The following ARHGAP18 variants were observed in gnomAD, a reference collection of about 807,000 sequenced individuals.
ARHGAP18 encodes rho GTPase-activating protein 18.
Under a neutral mutation model 86.2 loss-of-function variants are expected in ARHGAP18, and 67 were observed. That is an observed-to-expected ratio of 0.78 (90% CI 0.64 to 0.95). ARHGAP18 has a LOEUF of 0.95. Among genes scored for constraint, ARHGAP18 ranks in the 40% least tolerant of loss-of-function variants. The probability of loss-of-function intolerance (pLI) is 0.00; values close to 1 mark genes in which losing one functional copy is unlikely to be tolerated. For synonymous variants in ARHGAP18, 283 were observed against 280.4 expected (o/e 1.01, Z -0.09); for missense variants, 691 against 780.4 (o/e 0.89, Z 1.37).
chr6:129,673,169 CT>C (rs1343846030), intron 1 of ARHGAP18, among the ~76,000 whole-genome samples: 1 of 152,168 alleles, frequency 6.6e-6, no homozygotes, highest in Non-Finnish European at 1.5e-5. Context: ...GTCTATTATG[CT>C]TCACAATGTC....
intron 12 of ARHGAP18, among the ~76,000 whole-genome samples, chr6:129,594,968 T>C (rs1238992236): frequency 2.0e-5 from 3 of 152,190 alleles, no homozygotes; most frequent in Non-Finnish European, 2.9e-5. Flanking sequence ...AAACAGAGAA[T>C]AATGGTGAAG....
chr6:129,589,464 TG>T (rs772318223), intron 12 of ARHGAP18, among the ~76,000 whole-genome samples: 2 of 152,218 alleles, frequency 1.3e-5, no homozygotes, highest in Non-Finnish European at 2.9e-5. Flanking sequence ...TGGACTTTTT[TG>T]TCCACAACAC....
chr6:129,656,386 G>A (rs564541987), intron 1 of ARHGAP18, among the ~76,000 whole-genome samples: 41 of 152,320 alleles, frequency 2.7e-4, no homozygotes, highest in African/African-American at 8.4e-4. Flanking sequence ...GCTCATGCCT[G>A]TAATCCCAGC....
chr6:129,640,546 G>A (rs1262260450), intron 2 of ARHGAP18, among the ~76,000 whole-genome samples: 2 of 152,068 alleles, frequency 1.3e-5, no homozygotes, highest in African/African-American at 4.8e-5. Flanking sequence ...ATAACAAGAA[G>A]TTAAAGAATA....
At position 129,641,998 on chromosome 6, in the gene ARHGAP18, G is replaced by A; in HGVS notation, c.134C>T (p.Thr45Ile). 6.2e-7 allele frequency: 1 copy of A among 1,613,968 alleles called. No individual in the cohort carries two copies. Residue 45 changes from threonine to isoleucine, a missense_variant, in exon 2 of 15, where the codon ACT becomes ATT. Transcript: ENST00000368149. ...ATSSRRYGQY[T>I]MNQESTTIKV... Reference sequence around the variant, plus strand: ...GATGGTGGTGCTTTCCTGGTTCATAGTGTACTGGCCATATCTGCGACTGTA... The same window carrying A: ...GATGGTGGTGCTTTCCTGGTTCATAATGTACTGGCCATATCTGCGACTGTA...
chr6:129,628,623 G>T (rs940509592), intron 5 of ARHGAP18, among the ~76,000 whole-genome samples: 1 of 152,084 alleles, frequency 6.6e-6, no homozygotes, highest in African/African-American at 2.4e-5. Flanking sequence ...TGATGCAATC[G>T]AAGGCATAAA....
intron 2 of ARHGAP18, among the ~76,000 whole-genome samples, chr6:129,638,892 G>A (rs1347785913): frequency 6.6e-6 from 1 of 152,136 alleles, no homozygotes; most frequent in African/African-American, 2.4e-5. Context: ...GATTAACCCA[G>A]AGGATGATAC....
intron 1 of ARHGAP18, among the ~76,000 whole-genome samples, chr6:129,665,698 A>G (rs1774024160): frequency 2.0e-5 from 3 of 152,226 alleles, no homozygotes. Context: ...AGAAGAGGTT[A>G]AGATCACAGT....
At chr6:129,595,678 T>C (rs1258569916) in intron 12 of ARHGAP18, among the ~76,000 whole-genome samples, 1 of 152,150 alleles carries the variant, frequency 6.6e-6, no homozygotes, top group African/African-American at 2.4e-5. Flanking sequence ...CAATCTCTCT[T>C]AAGGCTCACT....
chr6:129,638,278 G>C, intron 3 of ARHGAP18, 116 bp downstream of exon 3: 1 of 1,023,984 alleles, frequency 9.8e-7, no homozygotes, highest in Non-Finnish European at 1.5e-6. Context: ...TAGAGCTTTG[G>C]TGCCTGGCAT....
chr6:129,619,071 C>T (rs1050103861), intron 5 of ARHGAP18, among the ~76,000 whole-genome samples: 1 of 150,260 alleles, frequency 6.7e-6, no homozygotes, highest in African/African-American at 2.5e-5. Context: ...TGACAGACAA[C>T]GGGAACAGAC....
At chr6:129,650,665 G>T (rs1194275891) in intron 1 of ARHGAP18, among the ~76,000 whole-genome samples, 1 of 152,194 alleles carries the variant, frequency 6.6e-6, no homozygotes, top group Non-Finnish European at 1.5e-5. Context: ...TTAGTTCAAA[G>T]CATATCCACT....
At chr6:129,592,027 G>C (rs896469551) in intron 12 of ARHGAP18, among the ~76,000 whole-genome samples, 1 of 151,836 alleles carries the variant, frequency 6.6e-6, no homozygotes, top group Non-Finnish European at 1.5e-5. Flanking sequence ...CAGATTCAGA[G>C]GATTTTAAAG....
chr6:129,705,944 G>A (rs1774795293), intron 1 of ARHGAP18, among the ~76,000 whole-genome samples: 2 of 152,158 alleles, frequency 1.3e-5, no homozygotes, highest in Non-Finnish European at 2.9e-5. Context: ...TCACCCCTGT[G>A]TAGTGCCTCT....
intron 2 of ARHGAP18, among the ~76,000 whole-genome samples, chr6:129,640,042 C>CAAAAAAAA (rs374771260): frequency 3.2e-4 from 23 of 72,848 alleles, no homozygotes; most frequent in African/African-American, 8.5e-4. Flanking sequence ...GAGACTGTCT[C>CAAAAAAAA]AAAAAAAAAA....
intron 8 of ARHGAP18, among the ~76,000 whole-genome samples, chr6:129,611,331 G>GAAAAC (rs1788975121): frequency 2.0e-5 from 3 of 152,004 alleles, no homozygotes; most frequent in African/African-American, 4.8e-5. Flanking sequence ...TGGTGATTTT[G>GAAAAC]AAAACAAAAC....
Position 129,659,651 on chromosome 6 carries a change from T to C in ARHGAP18, c.114-17633A>G, listed in dbSNP as rs139438202. On this transcript the variant is annotated intron_variant, in intron 1 of 14. Transcript: ENST00000368149. ...CCCTAGCTAATCTTTTTTGTATTTT[T>C]AGTAGAGATGGGGTTTCGGCATGTC... 1.5e-3 allele frequency among the ~76,000 whole-genome samples: 222 copies of C among 152,228 alleles called. 2 individuals carry two copies. The highest frequency in any genetic ancestry group is 4.7e-3 in the African/African-American group (196 of 41,538).
rs929892508 is a variant in ARHGAP18, at chr6:129,709,934, A to T, written c.113+90T>A. On this transcript the variant is annotated intron_variant, in intron 1 of 14. Coordinates refer to ENST00000368149, the MANE Select transcript of ARHGAP18 (RefSeq NM_033515.3). ...AGCTCAGGCTCGACGTGCAGATGGA[A>T]TTCCCTTCTCCCCACGCCAACTTCC... 8.7e-6 allele frequency: 9 copies of T among 1,032,672 alleles called. No individual in the cohort carries two copies. The African/African-American group carries it at 1.4e-4, about 16-fold the overall frequency. 64.0% of individuals were successfully genotyped at this position (1,032,672 alleles called of 1,614,324 possible). A position where few individuals can be genotyped will look rare whatever the true frequency, so the allele number is the denominator to read the frequency against.
At chr6:129,626,413 T>C (rs1412172289) in intron 5 of ARHGAP18, among the ~76,000 whole-genome samples, 1 of 151,956 alleles carries the variant, frequency 6.6e-6, no homozygotes, top group Non-Finnish European at 1.5e-5. Flanking sequence ...AGCTGAAGGA[T>C]AAAAGCTAGA....
Sources: allele counts gnomAD v4.1 joint callset (sites outside exome capture counted in the v4.1 genomes callset), GRCh38; gene constraint gnomAD v4.1.1; transcripts MANE v1.5; gene names NCBI Gene and HGNC (gene_info 2026-07-23, HGNC 2026-07-21).